The following NTNG1 variants were observed in gnomAD, a reference collection of about 807,000 sequenced individuals.
The protein encoded by NTNG1 is netrin-G1.
NTNG1 carries 16 observed loss-of-function variants against 54.0 expected under a neutral mutation model. The observed-to-expected ratio is 0.30, with a 90% confidence interval of 0.20 to 0.45. The LOEUF (loss-of-function observed/expected upper bound fraction) is 0.45. NTNG1 is among the 20% of genes least tolerant of loss of function. The pLI is 1.00. For missense variants in NTNG1, 530 were observed against 678.7 expected (o/e 0.78, Z 2.43); for synonymous variants, 255 against 263.1 (o/e 0.97, Z 0.30).
intron 2 of NTNG1, among the ~76,000 whole-genome samples, chr1:107,182,353 C>T (rs1180585362): frequency 1.3e-5 from 2 of 152,048 alleles, no homozygotes; most frequent in African/African-American, 2.4e-5. Flanking sequence ...AAATTCTTCC[C>T]CCCTTGATGG....
At chr1:107,407,800 C>T in intron 5 of NTNG1, 92 bp downstream of exon 5, 1 of 1,111,016 alleles carries the variant, frequency 9.0e-7, no homozygotes, top group Admixed American at 1.7e-5. Flanking sequence ...TTCCCAGTGT[C>T]CATTTCTGAT....
intron 2 of NTNG1, among the ~76,000 whole-genome samples, chr1:107,205,072 C>T (rs77719176): frequency 0.017 from 2,635 of 152,242 alleles, 27 homozygotes; most frequent in Non-Finnish European, 0.029. Context: ...ATGTGGAGCT[C>T]CACTAGGACT....
chr1:107,328,410 A>G (rs1415584798), intron 3 of NTNG1, among the ~76,000 whole-genome samples: 1 of 152,110 alleles, frequency 6.6e-6, no homozygotes, highest in Non-Finnish European at 1.5e-5. Context: ...TAACTGTATT[A>G]AATTATGGTA....
At chr1:107,449,128 C>T (rs903128815) in intron 7 of NTNG1, among the ~76,000 whole-genome samples, 2 of 149,964 alleles carry the variant, frequency 1.3e-5, no homozygotes, top group Admixed American at 6.7e-5. Context: ...CAGAACTGTA[C>T]TTGTTGAAAA....
At chr1:107,209,891 CTT>C (rs10716155) in intron 2 of NTNG1, among the ~76,000 whole-genome samples, 108 of 150,336 alleles carry the variant, frequency 7.2e-4, no homozygotes, top group Non-Finnish European at 7.7e-4. Flanking sequence ...ATACAGACTT[CTT>C]TTTTTTTTTT....
At chr1:107,279,248 A>G (rs927284681) in intron 2 of NTNG1, among the ~76,000 whole-genome samples, 2 of 152,086 alleles carry the variant, frequency 1.3e-5, no homozygotes, top group African/African-American at 4.8e-5. Context: ...TAATCTCTAT[A>G]CTTTTTTGTA....
intron 7 of NTNG1, among the ~76,000 whole-genome samples, chr1:107,445,102 C>T (rs575105166): frequency 5.9e-5 from 9 of 152,058 alleles, no homozygotes; most frequent in African/African-American, 1.7e-4. Context: ...CAGCCCCCAG[C>T]GGAACAGAAT....
intron 3 of NTNG1, among the ~76,000 whole-genome samples, chr1:107,361,374 C>CACATATATATATAT (rs1285054598): frequency 1.1e-5 from 1 of 88,000 alleles, no homozygotes; most frequent in Non-Finnish European, 2.0e-5. Flanking sequence ...TATATATATA[C>CACATATATATATAT]ATATATATAT....
At chr1:107,228,470 T>C (rs1660834149) in intron 2 of NTNG1, among the ~76,000 whole-genome samples, 1 of 152,184 alleles carries the variant, frequency 6.6e-6, no homozygotes, top group African/African-American at 2.4e-5. Context: ...TCACTCCTGT[T>C]AAAGTATGGC....
intron 2 of NTNG1, among the ~76,000 whole-genome samples, chr1:107,305,379 C>T (rs1384481021): frequency 6.6e-6 from 1 of 152,166 alleles, no homozygotes; most frequent in African/African-American, 2.4e-5. Context: ...CCTATTTCTC[C>T]ACATCCTCTC....
chr1:107,356,360 C>G (rs1249986330), intron 3 of NTNG1, among the ~76,000 whole-genome samples: 1 of 152,148 alleles, frequency 6.6e-6, no homozygotes, highest in Non-Finnish European at 1.5e-5. Flanking sequence ...GTGGCACAAT[C>G]TCAGCTGACT....
intron 3 of NTNG1, among the ~76,000 whole-genome samples, chr1:107,347,742 G>A (rs1370160748): frequency 1.3e-5 from 2 of 152,172 alleles, no homozygotes; most frequent in African/African-American, 4.8e-5. Context: ...TTGCTGGGGA[G>A]GCCTCAGGAC....
chr1:107,393,876 A>G lies in NTNG1; in HGVS notation c.888-1278A>G, dbSNP rs576961693. Among the ~76,000 whole-genome samples the G allele has an allele frequency of 2.6e-5, 4 of 152,288 alleles. No homozygotes were observed. The East Asian group carries it at 7.7e-4, about 29-fold the overall frequency. On this transcript the variant is annotated intron_variant, in intron 3 of 7. Transcript: ENST00000370068. ...CTTATCTTCCTACCTAAGAAAGAGC[A>G]TTCTGTTCTTTTTCCCATTCATGGC... is the stretch of plus-strand genomic sequence containing the variant.
At chr1:107,408,244 G>C in intron 5 of NTNG1, 1 of 208,468 alleles carries the variant, frequency 4.8e-6, no homozygotes, top group Non-Finnish European at 9.8e-6. Flanking sequence ...GTGATCAGTA[G>C]TCTCTCTGGA....
chr1:107,184,133 G>A (rs1657270326), intron 2 of NTNG1, among the ~76,000 whole-genome samples: 1 of 152,080 alleles, frequency 6.6e-6, no homozygotes, highest in African/African-American at 2.4e-5. Flanking sequence ...TCATGACTTT[G>A]AAGTCTAGGA....
chr1:107,285,373 C>CT (rs1292117629), intron 2 of NTNG1, among the ~76,000 whole-genome samples: 5 of 152,008 alleles, frequency 3.3e-5, no homozygotes, highest in African/African-American at 1.2e-4. Context: ...CCTAATGTAC[C>CT]TTTTTATAAA....
At chr1:107,392,918 TC>T (rs1672455985) in intron 3 of NTNG1, among the ~76,000 whole-genome samples, 1 of 152,154 alleles carries the variant, frequency 6.6e-6, no homozygotes, top group South Asian at 2.1e-4. Flanking sequence ...CAGGATGGAT[TC>T]AGGTTATGAA....
intron 5 of NTNG1, among the ~76,000 whole-genome samples, chr1:107,427,203 C>T (rs1183893882): frequency 6.6e-6 from 1 of 151,976 alleles, no homozygotes; most frequent in East Asian, 1.9e-4. Flanking sequence ...CTGGCTAGGA[C>T]CTCCTGGAGA....
At chr1:107,275,689 G>A (rs1324724484) in intron 2 of NTNG1, among the ~76,000 whole-genome samples, 1 of 152,202 alleles carries the variant, frequency 6.6e-6, no homozygotes, top group African/African-American at 2.4e-5. Flanking sequence ...TTTACTCAAG[G>A]AAGGGTCAGC....
Sources: allele counts gnomAD v4.1 joint callset (sites outside exome capture counted in the v4.1 genomes callset), GRCh38; gene constraint gnomAD v4.1.1; transcripts MANE v1.5; gene names NCBI Gene and HGNC (gene_info 2026-07-23, HGNC 2026-07-21).